The following ATRX variants were observed in gnomAD, a reference collection of about 807,000 sequenced individuals.
The protein encoded by ATRX is chromatin remodeler ATRX.
ATRX carries 12 observed loss-of-function variants against 172.6 expected under a neutral mutation model. The ratio of observed to expected loss-of-function variants is 0.07; its 90% confidence interval spans 0.04 to 0.11. The LOEUF (loss-of-function observed/expected upper bound fraction) is 0.11, where lower values mean the gene tolerates loss of function less well. ATRX is among the 10% of genes least tolerant of loss of function. The pLI, the probability that ATRX is intolerant of heterozygous loss-of-function variation, is 1.00. For synonymous variants in ATRX, 674 were observed against 594.7 expected (o/e 1.13, Z -1.94); for missense variants, 1,368 against 1,767.4 (o/e 0.77, Z 4.05).
intron 19 of ATRX, among the ~76,000 whole-genome samples, chrX:77,626,028 C>CATATAT (rs782747198): frequency 1.9e-4 from 7 of 36,272 alleles, no homozygotes; most frequent in African/African-American, 3.7e-4. Flanking sequence ...GAAATTGTGG[C>CATATAT]ATATATATAT....
In ATRX at chrX:77,596,799, T is replaced by A. The variant is rs782707913; in HGVS notation, c.5956+2612A>T. On this transcript the variant is annotated intron_variant, in intron 25 of 34. Coordinates refer to ENST00000373344, the MANE Select transcript of ATRX (RefSeq NM_000489.6). ...CCAGCTGCCTCAGATTCTAATTGTA[T>A]TCCCAAGTGACAAAGGATCAATATC... 20 of 111,034 alleles carry A rather than the reference T, an allele frequency of 1.8e-4. 1 individual carries two copies. The highest frequency in any genetic ancestry group is 5.9e-4 in the African/African-American group (18 of 30,533). 9.2% of individuals were successfully genotyped at this position (111,034 alleles called of 1,213,427 possible). A position where few individuals can be genotyped will look rare whatever the true frequency, so the allele number is the denominator to read the frequency against.
rs969797182 is a variant in ATRX at position 77,697,648 on chromosome X, C to T, written c.190-13G>A. ...AAGAGCTAGTTCCCTAGATGTGAGA[C>T]ATAAATATAAAAGTGAATAAAATTC... On this transcript the variant is annotated splice_polypyrimidine_tract_variant and intron_variant, in intron 3 of 34. Transcript: ENST00000373344. 8.3e-7 allele frequency: 1 copy of T among 1,202,039 alleles called. No homozygotes were observed.
At chrX:77,659,082 T>C (rs185214395) in intron 12 of ATRX, among the ~76,000 whole-genome samples, 230 of 111,397 alleles carry the variant, frequency 2.1e-3, no homozygotes, top group African/African-American at 7.2e-3. Flanking sequence ...TATTGTTTAA[T>C]GGTTAAAGAG....
intron 28 of ATRX, among the ~76,000 whole-genome samples, chrX:77,565,947 T>C (rs2065182795): frequency 9.0e-6 from 1 of 111,299 alleles, no homozygotes; most frequent in African/African-American, 3.3e-5. Flanking sequence ...TTTGGTGATT[T>C]TGAAGACTAA....
chrX:77,757,525 T>TAATA (rs1304779443), intron 1 of ATRX, among the ~76,000 whole-genome samples: 4 of 112,042 alleles, frequency 3.6e-5, no homozygotes, highest in Non-Finnish European at 5.6e-5. Context: ...TCTAAATAGA[T>TAATA]AATAAATAAA....
rs1557096939 is a variant in ATRX, at chrX:77,616,590, AATC to A, written c.5566+20_5566+22del. ...AAGAATGTCTTTATAGAGAAGATGA[AATC>A]AACAAGGTGTATTGTTTACCTGTTA... On this transcript the variant is annotated intron_variant, in intron 22 of 34. Transcript: ENST00000373344. 8.7e-7 allele frequency: 1 copy of A among 1,154,237 alleles called. No homozygotes were observed. Among genetic ancestry groups the A allele is most frequent in the Admixed American group, 2.2e-5 (1 of 45,905 alleles).
chrX:77,767,673 C>T (rs1557196968), intron 1 of ATRX, among the ~76,000 whole-genome samples: 3 of 111,333 alleles, frequency 2.7e-5, no homozygotes, highest in Non-Finnish European at 5.7e-5. Context: ...GGGATTACAG[C>T]CATGAGCCCC....
intron 15 of ATRX, among the ~76,000 whole-genome samples, chrX:77,651,237 AAAAAAAAAAAG>A (rs1916462788): frequency 9.6e-6 from 1 of 103,859 alleles, no homozygotes; most frequent in African/African-American, 3.5e-5. Context: ...AAAAAAAAAA[AAAAAAAAAAAG>A]ATGAAACAAG....
At chrX:77,767,865 G>A (rs1781174661) in intron 1 of ATRX, among the ~76,000 whole-genome samples, 1 of 111,942 alleles carries the variant, frequency 8.9e-6, no homozygotes, top group Non-Finnish European at 1.9e-5. Flanking sequence ...TTTCTGAAAT[G>A]TTACTGCCTT....
intron 1 of ATRX, among the ~76,000 whole-genome samples, chrX:77,742,199 A>C (rs1366768507): frequency 2.7e-5 from 3 of 112,064 alleles, no homozygotes; most frequent in African/African-American, 9.7e-5. Context: ...TCATTCTGAT[A>C]GATAAGTGGA....
At chrX:77,522,230 C>A in intron 32 of ATRX, 33 bp downstream of exon 32, 1 of 1,208,814 alleles carries the variant, frequency 8.3e-7, no homozygotes, top group Non-Finnish European at 1.1e-6. Context: ...GCCTTTAATT[C>A]ATGTCAAACT....
chrX:77,738,556 G>GTT (rs2074706400), intron 1 of ATRX, among the ~76,000 whole-genome samples: 1 of 89,118 alleles, frequency 1.1e-5, no homozygotes, highest in African/African-American at 4.2e-5. Flanking sequence ...TCTCTTTTGT[G>GTT]TCTTTTTTTT....
intron 1 of ATRX, among the ~76,000 whole-genome samples, chrX:77,749,462 A>C (rs1364728339): frequency 2.7e-5 from 3 of 111,400 alleles, no homozygotes; most frequent in Non-Finnish European, 5.6e-5. Context: ...TTCCTTTTCG[A>C]TATATACTCA....
intron 1 of ATRX, among the ~76,000 whole-genome samples, chrX:77,745,559 T>C (rs2075036719): frequency 9.0e-6 from 1 of 111,232 alleles, no homozygotes; most frequent in Non-Finnish European, 1.9e-5. Flanking sequence ...CTCATAGAGA[T>C]AGAGAGTAGA....
intron 1 of ATRX, among the ~76,000 whole-genome samples, chrX:77,729,687 C>T (rs1393349909): frequency 8.9e-6 from 1 of 111,972 alleles, no homozygotes; most frequent in Non-Finnish European, 1.9e-5. Context: ...GTAATCCCAG[C>T]ACTTTGGGAG....
chrX:77,765,116 G>A (rs1557194789), intron 1 of ATRX, among the ~76,000 whole-genome samples: 1 of 110,087 alleles, frequency 9.1e-6, no homozygotes, highest in Non-Finnish European at 1.9e-5. Context: ...GCAGTGAGCC[G>A]AGATCACACC....
chrX:77,643,357 GC>G (rs1334105029), intron 15 of ATRX, among the ~76,000 whole-genome samples: 1 of 110,242 alleles, frequency 9.1e-6, no homozygotes, highest in African/African-American at 3.3e-5. Context: ...ACCACCTAAG[GC>G]CCAAATAGCT....
chrX:77,723,231 G>A (rs2148779482), intron 1 of ATRX, among the ~76,000 whole-genome samples: 1 of 111,438 alleles, frequency 9.0e-6, no homozygotes, highest in Non-Finnish European at 1.9e-5. Context: ...ACGTAATGTA[G>A]ATGACGGGTT....
At chrX:77,616,237 C>A in intron 22 of ATRX, 1 of 843,808 alleles carries the variant, frequency 1.2e-6, no homozygotes, top group Non-Finnish European at 1.4e-6. Context: ...AACTGAGAAA[C>A]AAACTCATGA....
Sources: allele counts gnomAD v4.1 joint callset (sites outside exome capture counted in the v4.1 genomes callset), GRCh38; gene constraint gnomAD v4.1.1; transcripts MANE v1.5; gene names NCBI Gene and HGNC (gene_info 2026-07-23, HGNC 2026-07-21).